Variants in GALNT13 observed in about 807,000 individuals in gnomAD.
GALNT13 encodes the protein UDP-GalNAc:polypeptide N-acetylgalactosaminyltransferase 13.
In GALNT13, 28 loss-of-function variants were observed where a neutral mutation model predicts 64.2. The observed-to-expected ratio is 0.44, with a 90% CI of 0.32 to 0.60. The LOEUF is 0.60. GALNT13 is among the 20% of genes least tolerant of loss of function. The pLI is 0.05. For synonymous variants in GALNT13, 214 were observed against 224.6 expected (o/e 0.95, Z 0.42); for missense variants, 577 against 669.8 (o/e 0.86, Z 1.53).
the GALNT13 span, among the ~76,000 whole-genome samples, chr2:153,797,491 C>T: frequency 1.3e-5 from 2 of 152,240 alleles, no homozygotes; most frequent in African/African-American, 4.8e-5. Flanking sequence ...ATCACATTGG[C>T]TCAACATGTT....
the GALNT13 span, among the ~76,000 whole-genome samples, chr2:153,689,398 T>A: frequency 6.6e-6 from 1 of 152,082 alleles, no homozygotes; most frequent in African/African-American, 2.4e-5. Context: ...AGGCATTCTT[T>A]ATAAAATCTA....
chr2:153,650,093 G>T, the GALNT13 span, among the ~76,000 whole-genome samples: 1 of 152,144 alleles, frequency 6.6e-6, no homozygotes, highest in African/African-American at 2.4e-5. Context: ...TATTGTGTGG[G>T]AGTCTAAGTC....
the GALNT13 span, among the ~76,000 whole-genome samples, chr2:153,315,119 A>G: frequency 6.6e-6 from 1 of 152,214 alleles, no homozygotes; most frequent in African/African-American, 2.4e-5. Flanking sequence ...GGTTATTATA[A>G]GAGAAAGGGG....
the GALNT13 span, among the ~76,000 whole-genome samples, chr2:153,550,047 G>A: frequency 2.0e-5 from 3 of 152,118 alleles, no homozygotes; most frequent in Non-Finnish European, 4.4e-5. Flanking sequence ...GTGCCAAAGA[G>A]GAAGATATTG....
the GALNT13 span, among the ~76,000 whole-genome samples, chr2:153,718,276 C>CA: frequency 6.6e-6 from 1 of 151,718 alleles, no homozygotes; most frequent in Non-Finnish European, 1.5e-5. Flanking sequence ...AACAAACAAA[C>CA]AAAAAAACAG....
At chr2:153,960,592 G>A (rs137897098) in intron 3 of GALNT13, among the ~76,000 whole-genome samples, 203 of 152,310 alleles carry the variant, frequency 1.3e-3, no homozygotes, top group Admixed American at 2.4e-3. Flanking sequence ...CAGGGAAGGG[G>A]TGGTAATCGT....
intron 8 of GALNT13, among the ~76,000 whole-genome samples, chr2:154,271,387 G>T (rs1412673630): frequency 6.6e-6 from 1 of 151,940 alleles, no homozygotes; most frequent in Non-Finnish European, 1.5e-5. Context: ...TATGAGCTTT[G>T]TTAGGCAATT....
At chr2:153,645,920 A>G in the GALNT13 span, among the ~76,000 whole-genome samples, 3 of 152,244 alleles carry the variant, frequency 2.0e-5, no homozygotes, top group South Asian at 6.2e-4. Context: ...TATTTTACAC[A>G]AAATGTTACT....
At chr2:154,395,515 A>G (rs1010825457) in intron 9 of GALNT13, among the ~76,000 whole-genome samples, 1 of 152,136 alleles carries the variant, frequency 6.6e-6, no homozygotes, top group South Asian at 2.1e-4. Flanking sequence ...GAAGTTCAAG[A>G]AAAAGAACAT....
At chr2:153,546,461 G>T in the GALNT13 span, among the ~76,000 whole-genome samples, 1 of 152,086 alleles carries the variant, frequency 6.6e-6, no homozygotes, top group Non-Finnish European at 1.5e-5. Flanking sequence ...AGCATATATT[G>T]TATTTGAGAC....
chr2:153,498,528 A>C, the GALNT13 span, among the ~76,000 whole-genome samples: 1 of 152,162 alleles, frequency 6.6e-6, no homozygotes, highest in Non-Finnish European at 1.5e-5. Flanking sequence ...GCGGGCAGCT[A>C]CAGGTGCTGG....
the GALNT13 span, among the ~76,000 whole-genome samples, chr2:153,344,551 C>T: frequency 7.9e-5 from 12 of 151,882 alleles, no homozygotes; most frequent in Non-Finnish European, 1.3e-4. Flanking sequence ...TGTGCAGTGG[C>T]GTGATTATAT....
the GALNT13 span, among the ~76,000 whole-genome samples, chr2:153,633,038 G>T: frequency 2.0e-5 from 3 of 152,038 alleles, no homozygotes; most frequent in African/African-American, 7.2e-5. Flanking sequence ...TGGGATTACA[G>T]GCGTGAGCCA....
At chr2:153,563,711 G>T in the GALNT13 span, among the ~76,000 whole-genome samples, 1 of 149,122 alleles carries the variant, frequency 6.7e-6, no homozygotes, top group African/African-American at 2.4e-5. Flanking sequence ...CACTCTTAGG[G>T]TTTTTTTTTT....
the GALNT13 span, among the ~76,000 whole-genome samples, chr2:153,244,059 T>C: frequency 0.16 from 22,171 of 140,732 alleles, 2,088 homozygotes; most frequent in Non-Finnish European, 0.21. Context: ...TTATGTACTA[T>C]TGAGAAAAAA....
chr2:153,705,574 T>G, the GALNT13 span, among the ~76,000 whole-genome samples: 2 of 152,200 alleles, frequency 1.3e-5, no homozygotes, highest in Non-Finnish European at 2.9e-5. Flanking sequence ...TCAGGTTGGT[T>G]TCACATGTCT....
At chr2:154,020,984 G>C (rs747145366) in intron 3 of GALNT13, among the ~76,000 whole-genome samples, 5 of 152,072 alleles carry the variant, frequency 3.3e-5, no homozygotes, top group Non-Finnish European at 4.4e-5. Flanking sequence ...TTGTTTTTGT[G>C]AGGTTTGTCA....
At chr2:153,797,979 T>C in the GALNT13 span, among the ~76,000 whole-genome samples, 1 of 152,192 alleles carries the variant, frequency 6.6e-6, no homozygotes, top group South Asian at 2.1e-4. Context: ...GGCCACAGCA[T>C]CAGCATTACT....
At chr2:154,296,767 A>G (rs1331171035) in intron 8 of GALNT13, among the ~76,000 whole-genome samples, 2 of 152,094 alleles carry the variant, frequency 1.3e-5, no homozygotes, top group African/African-American at 2.4e-5. Flanking sequence ...ATTTTTTTAA[A>G]GATTCTTTTT....
Sources: allele counts gnomAD v4.1 joint callset (sites outside exome capture counted in the v4.1 genomes callset), GRCh38; gene constraint gnomAD v4.1.1; transcripts MANE v1.5; gene names NCBI Gene and HGNC (gene_info 2026-07-23, HGNC 2026-07-21).